PLEKHG1: variants seen among roughly 807,000 people sequenced by gnomAD.
PLEKHG1 encodes the protein pleckstrin homology and RhoGEF domain containing G1, also known as pleckstrin homology domain-containing family G member 1.
Under a neutral mutation model 100.8 loss-of-function variants are expected in PLEKHG1, and 44 were observed. That is an observed-to-expected ratio of 0.44 (90% CI 0.34 to 0.56). The LOEUF (loss-of-function observed/expected upper bound fraction) is 0.56. Among genes scored for constraint, PLEKHG1 ranks in the 20% least tolerant of loss-of-function variants. The pLI is 0.01. For missense variants in PLEKHG1, 1,545 were observed against 1,720.9 expected (o/e 0.90, Z 1.81); for synonymous variants, 640 against 662.5 (o/e 0.97, Z 0.52).
intron 1 of PLEKHG1, among the ~76,000 whole-genome samples, chr6:150,613,339 T>C (rs1178718280): frequency 3.9e-5 from 6 of 152,248 alleles, no homozygotes; most frequent in African/African-American, 7.2e-5. Flanking sequence ...TTTTTATGTA[T>C]AGCATGTATC....
intron 3 of PLEKHG1, chr6:150,651,961 A>C (rs575532256): frequency 6.6e-6 from 1 of 152,224 alleles, no homozygotes; most frequent in Non-Finnish European, 1.5e-5. Context: ...ATTAACATAC[A>C]TAAAGACTCA....
rs565121317 is a variant in PLEKHG1, at chr6:150,628,527, AACACACACAC to A, written c.-203-9512_-203-9503del. Reference sequence around the variant, plus strand: ...TTTTGGGATGGTATGTAGATAGGAAAACACACACACACACACACACACACACACACACACA... The same window carrying A: ...TTTTGGGATGGTATGTAGATAGGAAAACACACACACACACACACACACACA... On this transcript the variant is annotated intron_variant, in intron 1 of 3. Transcript: ENST00000367326. 4.3e-3 allele frequency among the ~76,000 whole-genome samples: 407 copies of A among 94,784 alleles called. 10 individuals are homozygous for A. The highest frequency in any genetic ancestry group is 0.013 in the African/African-American group (344 of 25,532). 62.2% of individuals were successfully genotyped at this position (94,784 alleles called of 152,430 possible).
chr6:150,636,595 T>G (rs568171273), intron 1 of PLEKHG1, among the ~76,000 whole-genome samples: 1 of 152,278 alleles, frequency 6.6e-6, no homozygotes, highest in Non-Finnish European at 1.5e-5. Flanking sequence ...CTTCCTTTCC[T>G]TGGTTTGTTT....
chr6:150,841,361 T>TG (rs1777525389), exon 16 of PLEKHG1: 1 of 220,626 alleles, frequency 4.5e-6, no homozygotes, highest in Non-Finnish European at 9.1e-6. Flanking sequence ...GTTATATTTG[T>TG]GGTAACACCT....
intron 3 of PLEKHG1, among the ~76,000 whole-genome samples, chr6:150,664,740 A>C (rs1419021102): frequency 6.6e-6 from 1 of 152,096 alleles, no homozygotes; most frequent in African/African-American, 2.4e-5. Flanking sequence ...CGCCATCTAG[A>C]ATCACTCAAG....
chr6:150,600,609 T>C lies in PLEKHG1; in HGVS notation c.-204+592T>C, dbSNP rs551992718. Among the ~76,000 whole-genome samples, 1 of 151,912 alleles carries C rather than the reference T, an allele frequency of 6.6e-6. No homozygotes were observed. Among genetic ancestry groups the C allele is most frequent in the Admixed American group, 6.5e-5 (1 of 15,272 alleles). ...TTCTGCAGATGCGCTTTTCAGGGGG[T>C]GGGGAGTCAAGAGCCTGTGGCTCTT... On this transcript the variant is annotated intron_variant, in intron 1 of 3. Transcript: ENST00000367326. The surrounding 1 kb of genome is among the most constrained non-coding windows in gnomAD (Gnocchi z 6.2).
exon 15 of PLEKHG1, chr6:150,830,895 C>A (rs556549091): frequency 1.2e-6 from 2 of 1,613,926 alleles, no homozygotes; most frequent in African/African-American, 2.7e-5. Context: ...CAGATGGAGT[C>A]CACAGAGACC....
At chr6:150,710,990 T>C (rs1038299626) in intron 3 of PLEKHG1, among the ~76,000 whole-genome samples, 8 of 152,178 alleles carry the variant, frequency 5.3e-5, no homozygotes, top group African/African-American at 1.9e-4. Context: ...TCAGTGTGTC[T>C]GCCTGGCCAA....
At chr6:150,786,400 C>A in exon 4 of PLEKHG1, 1 of 1,610,590 alleles carries the variant, frequency 6.2e-7, no homozygotes, top group Non-Finnish European at 8.5e-7. Flanking sequence ...TGAACTTCTG[C>A]AAGATTTGGA....
intron 1 of PLEKHG1, among the ~76,000 whole-genome samples, chr6:150,623,778 C>T (rs759055815): frequency 6.6e-6 from 1 of 152,182 alleles, no homozygotes; most frequent in South Asian, 2.1e-4. Flanking sequence ...TCTGAGCATC[C>T]GAGGCTGCAG....
At chr6:150,757,921 C>T (rs1400114996) in intron 2 of PLEKHG1, among the ~76,000 whole-genome samples, 1 of 152,134 alleles carries the variant, frequency 6.6e-6, no homozygotes, top group Non-Finnish European at 1.5e-5. Flanking sequence ...TTGTTCAGCT[C>T]CCACTTACAA....
chr6:150,622,579 C>G (rs1288964802), intron 1 of PLEKHG1, among the ~76,000 whole-genome samples: 1 of 152,168 alleles, frequency 6.6e-6, no homozygotes, highest in African/African-American at 2.4e-5. Flanking sequence ...AGACAATACT[C>G]AGATGCCATT....
At chr6:150,840,053 G>T in exon 16 of PLEKHG1, 1 of 1,614,176 alleles carries the variant, frequency 6.2e-7, no homozygotes, top group Non-Finnish European at 8.5e-7. Context: ...AGCAAGACTT[G>T]AGGTCAAGAT....
intron 3 of PLEKHG1, among the ~76,000 whole-genome samples, chr6:150,705,470 A>C (rs1308694125): frequency 6.6e-6 from 1 of 152,196 alleles, no homozygotes; most frequent in Non-Finnish European, 1.5e-5. Flanking sequence ...TGTCCCACTC[A>C]ACCCTTGCCC....
intron 2 of PLEKHG1, among the ~76,000 whole-genome samples, chr6:150,757,157 C>T (rs547346441): frequency 4.4e-4 from 67 of 152,170 alleles, no homozygotes; most frequent in Non-Finnish European, 6.8e-4. Flanking sequence ...ACTACCACGC[C>T]GAGCAATTTT....
chr6:150,780,054 A>G (rs1785221839), intron 3 of PLEKHG1, among the ~76,000 whole-genome samples: 1 of 151,922 alleles, frequency 6.6e-6, no homozygotes, highest in African/African-American at 2.4e-5. Flanking sequence ...AGGACACAAT[A>G]CATCCAGAGC....
chr6:150,806,312 A>G (rs1398300229), intron 7 of PLEKHG1, among the ~76,000 whole-genome samples: 2 of 140,974 alleles, frequency 1.4e-5, no homozygotes, highest in Admixed American at 7.9e-5. Context: ...GTCGGAATCT[A>G]TTGAATACAG....
chr6:150,813,023 T>C lies in PLEKHG1; in HGVS notation c.1278+3289T>C, dbSNP rs372248373. ...TGGAAAGGATCAGAAGAACACTTGC[T>C]GGCCGGGCGCGGTGGCTCACACCTG... On this transcript the variant is annotated intron_variant, in intron 10 of 15. Coordinates refer to ENST00000358517, the Ensembl canonical transcript of PLEKHG1. 1.9e-4 allele frequency among the ~76,000 whole-genome samples: 29 copies of C among 152,092 alleles called. No homozygotes were observed. The East Asian group carries it at 4.5e-3, about 23-fold the overall frequency.
chr6:150,804,430 C>T, intron 6 of PLEKHG1, among the ~76,000 whole-genome samples, 180 bp from the exon 8 acceptor site: 1 of 151,098 alleles, frequency 6.6e-6, no homozygotes, highest in Non-Finnish European at 1.5e-5. Context: ...AGGTGATCCA[C>T]CCACCTGGCC....
Sources: allele counts gnomAD v4.1 joint callset (sites outside exome capture counted in the v4.1 genomes callset), GRCh38; gene constraint gnomAD v4.1.1; non-coding constraint Gnocchi (gnomAD v3.1); transcripts MANE v1.5; gene names NCBI Gene and HGNC (gene_info 2026-07-23, HGNC 2026-07-21).